TYW1B: variants seen among roughly 807,000 people sequenced by gnomAD.
TYW1B encodes S-adenosyl-L-methionine-dependent tRNA 4-demethylwyosine synthase TYW1B.
In TYW1B, 73 loss-of-function variants were observed where a neutral mutation model predicts 86.9. That is an observed-to-expected ratio of 0.84 (90% CI 0.70 to 1.02). The LOEUF is 1.02. Ranked by LOEUF, TYW1B falls within the 50% of genes least tolerant of loss-of-function variation. TYW1B has a pLI of 0.00. For missense variants in TYW1B, 637 were observed against 827.4 expected (o/e 0.77, Z 2.82); for synonymous variants, 248 against 292.8 (o/e 0.85, Z 1.56).
intron 13 of TYW1B, among the ~76,000 whole-genome samples, chr7:72,580,440 G>A (rs1314293229): frequency 3.3e-5 from 5 of 152,112 alleles, no homozygotes; most frequent in African/African-American, 9.7e-5. Flanking sequence ...AGGGAAGAAC[G>A]GAATCTATGC....
rs553220016 is a variant in TYW1B at position 72,771,448 on chromosome 7, T to C, written c.964+5968A>G. 2.7e-3 allele frequency among the ~76,000 whole-genome samples: 404 copies of C among 152,336 alleles called. 5 individuals carry two copies. Among genetic ancestry groups the C allele is most frequent in the Admixed American group, 4.0e-3 (61 of 15,292 alleles). On this transcript the variant is annotated intron_variant, in intron 7 of 13. Coordinates refer to ENST00000620995, the MANE Select transcript of TYW1B (RefSeq NM_001145440.3). The stretch of plus-strand genomic sequence containing the variant: ...CTACATCTATCAAAATTTGCTGAAC[T>C]CATTTTAAAGAATCATTTAAAAATC...
chr7:72,662,169 T>C (rs1218781201), intron 11 of TYW1B, among the ~76,000 whole-genome samples: 4 of 152,180 alleles, frequency 2.6e-5, no homozygotes, highest in Non-Finnish European at 5.9e-5. Context: ...TCAAAGAACA[T>C]AAAGGCAAAA....
chr7:72,790,451 C>G (rs1201451936), intron 6 of TYW1B, among the ~76,000 whole-genome samples: 1 of 152,100 alleles, frequency 6.6e-6, no homozygotes, highest in African/African-American at 2.4e-5. Flanking sequence ...AAAAACTGGG[C>G]CAGGCACAGT....
chr7:72,772,971 T>C (rs1212710856), intron 7 of TYW1B, among the ~76,000 whole-genome samples: 1 of 152,228 alleles, frequency 6.6e-6, no homozygotes, highest in Non-Finnish European at 1.5e-5. Flanking sequence ...GGACTGCTTA[T>C]ATATTCGAAG....
chr7:72,715,704 A>G (rs1367260468), intron 9 of TYW1B, among the ~76,000 whole-genome samples: 2 of 151,838 alleles, frequency 1.3e-5, no homozygotes, highest in African/African-American at 4.8e-5. Flanking sequence ...AAGTTTACCT[A>G]TGTAACAAAC....
rs139697935 is a variant in TYW1B at position 72,588,003 on chromosome 7, C to T, written c.1786-12284G>A. On this transcript the variant is annotated intron_variant, in intron 13 of 13. Transcript: ENST00000620995. The stretch of plus-strand genomic sequence containing the variant: ...CAGATTTACCAAAATTTGTTCTTGC[C>T]GGTTGTAGCTACAACTGTATAGTTT... Among the ~76,000 whole-genome samples the T allele has an allele frequency of 5.1e-3, 781 of 152,218 alleles. 4 individuals are homozygous for T. Among genetic ancestry groups the T allele is most frequent in the African/African-American group, 0.017 (718 of 41,544 alleles).
At chr7:72,660,543 C>G (rs143484167) in intron 11 of TYW1B, among the ~76,000 whole-genome samples, 6 of 152,326 alleles carry the variant, frequency 3.9e-5, no homozygotes, top group Admixed American at 6.5e-5. Flanking sequence ...CTTTCAGATT[C>G]TGCCATCCGA....
intron 9 of TYW1B, among the ~76,000 whole-genome samples, chr7:72,725,919 C>T (rs1297499647): frequency 2.0e-5 from 3 of 152,186 alleles, no homozygotes; most frequent in Non-Finnish European, 4.4e-5. Context: ...CGTACATACA[C>T]ACACACCCAT....
At chr7:72,654,031 G>C (rs1261510056) in intron 11 of TYW1B, among the ~76,000 whole-genome samples, 2 of 148,808 alleles carry the variant, frequency 1.3e-5, no homozygotes, top group Non-Finnish European at 3.0e-5. Flanking sequence ...AGTGAGCTAA[G>C]AGCATGCCAC....
chr7:72,673,137 A>G (rs1350159760), intron 11 of TYW1B, among the ~76,000 whole-genome samples: 1 of 152,354 alleles, frequency 6.6e-6, no homozygotes, highest in South Asian at 2.1e-4. Flanking sequence ...ACTGCACTCC[A>G]GCCTGGGCGA....
intron 12 of TYW1B, among the ~76,000 whole-genome samples, chr7:72,622,080 C>T (rs1554438055): frequency 6.6e-6 from 1 of 152,074 alleles, no homozygotes; most frequent in Non-Finnish European, 1.5e-5. Flanking sequence ...AACACACAGA[C>T]AGTATTTCAT....
chr7:72,695,243 C>T (rs557370545), intron 10 of TYW1B, among the ~76,000 whole-genome samples: 2 of 152,112 alleles, frequency 1.3e-5, no homozygotes, highest in Non-Finnish European at 2.9e-5. Flanking sequence ...CAATCACTGA[C>T]GGAAGTCTTC....
intron 11 of TYW1B, among the ~76,000 whole-genome samples, chr7:72,633,235 G>A (rs1274663480): frequency 6.6e-6 from 1 of 152,212 alleles, no homozygotes; most frequent in Non-Finnish European, 1.5e-5. Flanking sequence ...ACAGTTGCCA[G>A]GAGCCCATAC....
At chr7:72,757,170 C>G (rs1283240006) in intron 7 of TYW1B, among the ~76,000 whole-genome samples, 1 of 152,022 alleles carries the variant, frequency 6.6e-6, no homozygotes, top group Non-Finnish European at 1.5e-5. Context: ...GAGTTCGAGA[C>G]CAGCCTGACC....
chr7:72,699,782 T>G (rs1814415527), intron 10 of TYW1B, among the ~76,000 whole-genome samples: 1 of 152,062 alleles, frequency 6.6e-6, no homozygotes, highest in South Asian at 2.1e-4. Context: ...CCCAAGTAGC[T>G]GGTTCTACAG....
At chr7:72,678,619 C>CTTTTTTTTT (rs56738372) in intron 11 of TYW1B, among the ~76,000 whole-genome samples, 4 of 110,418 alleles carry the variant, frequency 3.6e-5, no homozygotes, top group African/African-American at 6.5e-5. Context: ...AATTCCAGCA[C>CTTTTTTTTT]TTTTTTTTTT....
At chr7:72,783,876 G>A (rs182586303) in intron 6 of TYW1B, among the ~76,000 whole-genome samples, 1 of 152,272 alleles carries the variant, frequency 6.6e-6, no homozygotes, top group East Asian at 1.9e-4. Flanking sequence ...CTTGTTTCTA[G>A]GTGAAGTAAA....
chr7:72,742,511 T>C (rs1554462682), intron 8 of TYW1B, among the ~76,000 whole-genome samples: 1 of 152,176 alleles, frequency 6.6e-6, no homozygotes, highest in Non-Finnish European at 1.5e-5. Context: ...TATAAATCTA[T>C]GTTAATGGGC....
chr7:72,662,416 AATAT>A (rs1218605719), intron 11 of TYW1B, among the ~76,000 whole-genome samples: 31,355 of 137,694 alleles, frequency 0.23, 3,628 homozygotes, highest in Admixed American at 0.26. Flanking sequence ...TCAGGTTTTT[AATAT>A]ATATATATAG....
Sources: allele counts gnomAD v4.1 joint callset (sites outside exome capture counted in the v4.1 genomes callset), GRCh38; gene constraint gnomAD v4.1.1; transcripts MANE v1.5; gene names NCBI Gene and HGNC (gene_info 2026-07-23, HGNC 2026-07-21).